TBC1D8B: variants seen among roughly 807,000 people sequenced by gnomAD.
TBC1D8B encodes RP11-321G1.1.
Under a neutral mutation model 82.9 loss-of-function variants are expected in TBC1D8B, and 75 were observed. The ratio of observed to expected loss-of-function variants is 0.90; its 90% CI spans 0.75 to 1.10. The LOEUF is 1.10. TBC1D8B is among the 50% of genes least tolerant of loss of function. The pLI is 0.00. For missense variants in TBC1D8B, 794 were observed against 796.9 expected (o/e 1.00, Z 0.04); for synonymous variants, 276 against 276.8 (o/e 1.00, Z 0.03).
intron 17 of TBC1D8B, among the ~76,000 whole-genome samples, chrX:106,868,040 TG>T (rs1932825288): frequency 9.0e-6 from 1 of 110,756 alleles, no homozygotes; most frequent in Non-Finnish European, 1.9e-5. Flanking sequence ...TTATTGAGGA[TG>T]TTTTTTAAAT....
intron 4 of TBC1D8B, 122 bp from the exon 5 acceptor site, chrX:106,823,104 T>A: frequency 1.3e-6 from 1 of 773,722 alleles, no homozygotes; most frequent in Non-Finnish European, 1.8e-6. Flanking sequence ...TCTTGAACTC[T>A]AAACTATTTT....
chrX:106,843,646 T>G lies in TBC1D8B; in HGVS notation c.1719+2762T>G, dbSNP rs186257045. On this transcript the variant is annotated intron_variant, in intron 10 of 20. Transcript: ENST00000357242. Reference sequence around the variant, plus strand: ...ATCAGGAAGTGTGAGTTCTTTAACTTTGTTCTTTTCTAAGATTGTTTTGGC... The same window carrying G: ...ATCAGGAAGTGTGAGTTCTTTAACTGTGTTCTTTTCTAAGATTGTTTTGGC... Among the ~76,000 whole-genome samples the G allele has an allele frequency of 3.1e-3, 345 of 111,539 alleles. 4 individuals carry two copies. The highest frequency in any genetic ancestry group is 0.011 in the African/African-American group (337 of 30,791).
chrX:106,839,594 G>A (rs1032680244), intron 8 of TBC1D8B, 137 bp downstream of exon 8: 2 of 534,874 alleles, frequency 3.7e-6, no homozygotes, highest in African/African-American at 4.8e-5. Context: ...GTACTACTGT[G>A]TAACTTATTT....
At chrX:106,836,900 T>C (rs1449596056) in intron 7 of TBC1D8B, among the ~76,000 whole-genome samples, 1 of 111,807 alleles carries the variant, frequency 8.9e-6, no homozygotes, top group Non-Finnish European at 1.9e-5. Flanking sequence ...TTATGGTCAG[T>C]TAATTTTCAA....
chrX:106,842,137 T>C (rs1388490042), intron 10 of TBC1D8B, among the ~76,000 whole-genome samples: 2 of 111,114 alleles, frequency 1.8e-5, no homozygotes, highest in African/African-American at 6.5e-5. Context: ...AGAGATTTTT[T>C]TTTTTTGAAA....
intron 7 of TBC1D8B, among the ~76,000 whole-genome samples, chrX:106,833,767 T>G (rs967694523): frequency 9.0e-6 from 1 of 110,787 alleles, no homozygotes; most frequent in African/African-American, 3.3e-5. Flanking sequence ...TTTTTTTCCC[T>G]CTGGGATACT....
Position 106,848,208 on chromosome X carries a change from T to G in TBC1D8B, c.1742T>G (p.Val581Gly). 8.4e-7 allele frequency: 1 copy of G among 1,194,664 alleles called. No homozygotes were observed. The highest frequency in any genetic ancestry group is 3.0e-5 in the East Asian group (1 of 33,543). Residue 581 changes from valine to glycine, a missense_variant, in exon 11 of 21, where the codon GTG becomes GGG. Coordinates refer to ENST00000357242, the MANE Select transcript of TBC1D8B (RefSeq NM_017752.3). ...YCQAMNILTS[V>G]LLLYAKEEEA... Reference sequence around the variant, plus strand: ...TAGGCAATGAATATTTTGACTTCAGTGCTGCTTCTATATGCAAAAGAGGAA... The same window carrying G: ...TAGGCAATGAATATTTTGACTTCAGGGCTGCTTCTATATGCAAAAGAGGAA...
At chrX:106,839,633 A>C (rs957063742) in intron 8 of TBC1D8B, among the ~76,000 whole-genome samples, 176 bp downstream of exon 8, 5 of 111,891 alleles carry the variant, frequency 4.5e-5, no homozygotes, top group African/African-American at 1.6e-4. Context: ...GACTATTATC[A>C]GGAATGAAGA....
At chrX:106,854,688 A>AT (rs1313031764) in intron 14 of TBC1D8B, among the ~76,000 whole-genome samples, 11 of 106,398 alleles carry the variant, frequency 1.0e-4, no homozygotes, top group East Asian at 6.0e-4. Context: ...TAATTTTTAA[A>AT]TTTTTTTTTT....
At chrX:106,820,752 C>T (rs763865847) in intron 2 of TBC1D8B, 125 bp from the exon 3 acceptor site, 11 of 485,695 alleles carry the variant, frequency 2.3e-5, no homozygotes, top group Non-Finnish European at 3.9e-5. Context: ...ATATTTTACT[C>T]CTTTATGACC....
rs755505845 is a variant in TBC1D8B at position 106,873,793 on chromosome X, A to C, written c.3191A>C (p.Lys1064Thr). ...GAAAAAACAGGGAGCCACTTGGAGA[A>C]AGATCCTTGTTCCTTTAGGGAGGAA... ...SEEKTGSHLE[K>T]DPCSFREEPQ... The change falls in exon 21 of 21, where the codon AAA (lysine) becomes ACA (threonine). Residue 1064 changes from lysine (K) to threonine (T), a missense_variant. Physicochemically the swap from Lys to Thr is moderately conservative, Grantham distance 78. Transcript: ENST00000357242. 1.4e-5 allele frequency: 17 copies of C among 1,210,379 alleles called. No individual in the cohort carries two copies. Among genetic ancestry groups the C allele is most frequent in the Non-Finnish European group, 1.9e-5 (17 of 895,331 alleles).
chrX:106,871,056 A>G (rs1932845324), intron 20 of TBC1D8B, among the ~76,000 whole-genome samples: 1 of 111,526 alleles, frequency 9.0e-6, no homozygotes, highest in Admixed American at 9.5e-5. Context: ...CTATAGAAAA[A>G]AAGTATGTGT....
chrX:106,839,247 CT>C lies in TBC1D8B; in HGVS notation c.1204-53del, dbSNP rs771014977. On this transcript the variant is annotated intron_variant, in intron 7 of 20. Transcript: ENST00000357242. ...TTATAAATAACAGTAAACATTAGAACTTTTTTTTCTTGTAGAAACGTAAGCA... is the reference window on the plus strand; with the variant it reads ...TTATAAATAACAGTAAACATTAGAACTTTTTTTCTTGTAGAAACGTAAGCA... 51 of 1,053,674 alleles carry C rather than the reference CT, an allele frequency of 4.8e-5. No homozygotes were observed. In the African/African-American group the frequency reaches 4.9e-4, roughly 10 times the overall value. The allele number at this position is 1,053,674 out of a possible 1,213,427, so 86.8% of individuals were successfully genotyped here. A position where few individuals can be genotyped will look rare whatever the true frequency, so the allele number is the denominator to read the frequency against.
intron 1 of TBC1D8B, among the ~76,000 whole-genome samples, chrX:106,808,570 G>A (rs746019202): frequency 7.1e-5 from 8 of 112,070 alleles, no homozygotes; most frequent in African/African-American, 2.6e-4. Context: ...GGGCATGATA[G>A]TGATTATGCA....
intron 1 of TBC1D8B, among the ~76,000 whole-genome samples, chrX:106,816,123 C>T (rs1931535547): frequency 9.0e-6 from 1 of 111,268 alleles, no homozygotes; most frequent in Non-Finnish European, 1.9e-5. Context: ...GTCAAATTGT[C>T]CCTGTTTGCA....
At chrX:106,834,844 T>G (rs1188784426) in intron 7 of TBC1D8B, among the ~76,000 whole-genome samples, 1 of 112,211 alleles carries the variant, frequency 8.9e-6, no homozygotes, top group Non-Finnish European at 1.9e-5. Context: ...AGAGGTGGGC[T>G]GCCACAGCCT....
intron 1 of TBC1D8B, among the ~76,000 whole-genome samples, chrX:106,812,233 C>A (rs911565897): frequency 2.7e-5 from 3 of 111,573 alleles, no homozygotes; most frequent in African/African-American, 9.7e-5. Flanking sequence ...AATCCACAAA[C>A]TTTATTGAGC....
rs977021567 is a variant in TBC1D8B at position 106,875,175 on chromosome X, A to G, written c.*1210A>G. ...TATTCCTACCAAGGACAATTTATTA[A>G]TCAATTGACTTAGAAAATAGGGGGA... is the stretch of plus-strand genomic sequence containing the variant. On this transcript the variant is annotated 3_prime_UTR_variant, in exon 21 of 21. Coordinates refer to ENST00000357242, the MANE Select transcript of TBC1D8B (RefSeq NM_017752.3). 1 of 111,464 alleles carries G rather than the reference A, an allele frequency of 9.0e-6. No homozygotes were observed. The highest frequency in any genetic ancestry group is 3.3e-5 in the African/African-American group (1 of 30,679). 9.2% of individuals were successfully genotyped at this position (111,464 alleles called of 1,213,427 possible). A position where few individuals can be genotyped will look rare whatever the true frequency, so the allele number is the denominator to read the frequency against.
chrX:106,870,282 C>T (rs1390028887), intron 19 of TBC1D8B, among the ~76,000 whole-genome samples: 1 of 112,266 alleles, frequency 8.9e-6, no homozygotes. Context: ...CTGCCCACCT[C>T]GGCCTCCCAA....
Sources: allele counts gnomAD v4.1 joint callset (sites outside exome capture counted in the v4.1 genomes callset), GRCh38; gene constraint gnomAD v4.1.1; transcripts MANE v1.5; gene names NCBI Gene and HGNC (gene_info 2026-07-23, HGNC 2026-07-21).